Variants in KCNH5 observed in about 807,000 individuals in gnomAD.
The protein encoded by KCNH5 is potassium voltage-gated channel subfamily H member 5.
A neutral mutation model predicts 96.1 loss-of-function variants in KCNH5; 46 were observed. The observed-to-expected ratio is 0.48, with a 90% CI of 0.38 to 0.61. The LOEUF (loss-of-function observed/expected upper bound fraction) is 0.61, where lower values mean the gene tolerates loss of function less well. KCNH5 is among the 20% of genes least tolerant of loss of function. KCNH5 has a pLI of 0.00. For synonymous variants in KCNH5, 439 were observed against 449.8 expected (o/e 0.98, Z 0.30); for missense variants, 907 against 1,225.8 (o/e 0.74, Z 3.88).
chr14:62,712,669 C>T (rs1355621038), intron 10 of KCNH5: 1 of 778,072 alleles, frequency 1.3e-6, no homozygotes, highest in African/African-American at 1.7e-5. Context: ...AGCAGTTTCA[C>T]ACCCAGCAGG....
intron 1 of KCNH5, among the ~76,000 whole-genome samples, chr14:63,029,664 GAGA>G (rs748934581): frequency 1.4e-4 from 21 of 151,842 alleles, no homozygotes; most frequent in Non-Finnish European, 2.2e-4. Context: ...TGAGAAAAAT[GAGA>G]AGAAGAGAGG....
At chr14:62,712,521 C>G in intron 10 of KCNH5, 1 of 649,292 alleles carries the variant, frequency 1.5e-6, no homozygotes, top group Non-Finnish European at 2.8e-6. Context: ...AACTGTGTGT[C>G]CAGGATGCAA....
intron 8 of KCNH5, among the ~76,000 whole-genome samples, chr14:62,846,842 C>G (rs1342942367): frequency 7.6e-6 from 1 of 131,688 alleles, no homozygotes; most frequent in Non-Finnish European, 1.5e-5. Flanking sequence ...GCTCTGCGGC[C>G]CAGGCTGGAG....
At chr14:62,720,932 A>G (rs1272070654) in intron 10 of KCNH5, among the ~76,000 whole-genome samples, 1 of 152,226 alleles carries the variant, frequency 6.6e-6, no homozygotes, top group East Asian at 1.9e-4. Context: ...GCAAAAGTGA[A>G]GAAGCGATAG....
chr14:62,837,346 A>C lies in KCNH5; in HGVS notation c.1569+12307T>G, dbSNP rs138652585. On this transcript the variant is annotated intron_variant, in intron 8 of 10. Transcript: ENST00000322893. The stretch of plus-strand genomic sequence containing the variant: ...GAATGTAAGCAGGGGCTTAATGGAC[A>C]TTTACTATTAAATACTGAAATGGGG... Among the ~76,000 whole-genome samples, 4 of 152,320 alleles carry C rather than the reference A, an allele frequency of 2.6e-5. No individual in the cohort carries two copies. In the East Asian group the frequency reaches 7.7e-4, roughly 29 times the overall value.
rs571079023 is a variant in KCNH5 at position 63,004,304 on chromosome 14, T to C, written c.304+2062A>G. Among the ~76,000 whole-genome samples, 11 of 152,232 alleles carry C rather than the reference T, an allele frequency of 7.2e-5. No individual in the cohort carries two copies. The South Asian group carries it at 1.0e-3, about 14-fold the overall frequency. ...CATTATAATACATGGATAACACCTA[T>C]CCTTCACTAAAGAGGAAAACAAAAG... On this transcript the variant is annotated intron_variant, in intron 3 of 10. Transcript: ENST00000322893.
chr14:62,902,579 A>T (rs919150711), intron 7 of KCNH5, among the ~76,000 whole-genome samples: 3 of 152,166 alleles, frequency 2.0e-5, no homozygotes, highest in Non-Finnish European at 4.4e-5. Flanking sequence ...TATATTTTGT[A>T]AGAGCCCAAT....
intron 7 of KCNH5, among the ~76,000 whole-genome samples, chr14:62,859,689 A>G (rs781507623): frequency 1.3e-5 from 2 of 152,346 alleles, no homozygotes; most frequent in South Asian, 4.1e-4. Flanking sequence ...TGCAAAGTGC[A>G]TAACCAGGTG....
At chr14:62,808,477 T>C (rs1400125595) in intron 8 of KCNH5, among the ~76,000 whole-genome samples, 1 of 152,166 alleles carries the variant, frequency 6.6e-6, no homozygotes, top group Non-Finnish European at 1.5e-5. Flanking sequence ...TATAAGAATC[T>C]AACCTTATGG....
chr14:63,006,454 C>A lies in KCNH5; in HGVS notation c.216G>T (p.Leu72Phe). 6.2e-7 allele frequency: 1 copy of A among 1,609,242 alleles called. No individual in the cohort carries two copies. Among genetic ancestry groups the A allele is most frequent in the South Asian group, 1.1e-5 (1 of 90,802 alleles). ...SSTCSFMYGE[L>F]TDKKTIEKVR... ...CTTTCTCAATGGTCTTCTTGTCAGTCAATTCCCCATACATAAAACTGGGGG... is the reference window on the plus strand; with the variant it reads ...CTTTCTCAATGGTCTTCTTGTCAGTAAATTCCCCATACATAAAACTGGGGG... Residue 72 changes from leucine (L) to phenylalanine (F), a missense_variant, in exon 3 of 11, where the codon TTG becomes TTT. Leu to Phe is a conservative substitution (Grantham distance 22, BLOSUM62 0). Around this residue, in one of 6 missense-constraint regions of KCNH5, gnomAD observed 370 missense variants for 561.3 expected, o/e 0.66. Transcript: ENST00000322893.
intron 7 of KCNH5, among the ~76,000 whole-genome samples, chr14:62,931,433 C>T (rs1399715158): frequency 6.6e-6 from 1 of 152,082 alleles, no homozygotes; most frequent in African/African-American, 2.4e-5. Context: ...CATGTATATA[C>T]CTCTGTTTCC....
chr14:62,907,645 G>C (rs1476787266), intron 7 of KCNH5, among the ~76,000 whole-genome samples: 1 of 152,186 alleles, frequency 6.6e-6, no homozygotes. Flanking sequence ...TAGACAAGGA[G>C]TCTGAGTAAC....
intron 3 of KCNH5, among the ~76,000 whole-genome samples, chr14:63,003,270 T>C (rs1486006352): frequency 6.6e-6 from 1 of 150,396 alleles, no homozygotes; most frequent in Admixed American, 6.7e-5. Context: ...CTGCCAAGTA[T>C]GTGGTGATAG....
At chr14:62,888,359 T>C (rs34759838) in intron 7 of KCNH5, among the ~76,000 whole-genome samples, 380 of 152,304 alleles carry the variant, frequency 2.5e-3, no homozygotes, top group Non-Finnish European at 3.9e-3. Context: ...ATATTCTCTT[T>C]TGTACTGTAA....
At chr14:62,776,618 A>C (rs545498314) in intron 10 of KCNH5, among the ~76,000 whole-genome samples, 2 of 152,210 alleles carry the variant, frequency 1.3e-5, no homozygotes, top group Non-Finnish European at 2.9e-5. Context: ...TGGCCCACAA[A>C]TCCAAAATTG....
chr14:63,016,020 T>C (rs1417195366), intron 2 of KCNH5, among the ~76,000 whole-genome samples: 6 of 151,326 alleles, frequency 4.0e-5, no homozygotes, highest in Non-Finnish European at 1.5e-5. Flanking sequence ...AACATAGCTC[T>C]ACCTCAGTTT....
intron 8 of KCNH5, among the ~76,000 whole-genome samples, chr14:62,817,525 G>A (rs776088198): frequency 2.7e-5 from 4 of 149,340 alleles, no homozygotes; most frequent in Non-Finnish European, 4.4e-5. Flanking sequence ...AGTGAAGAGA[G>A]CTTATGGAAA....
chr14:62,793,823 A>C, intron 9 of KCNH5, among the ~76,000 whole-genome samples: 1 of 151,926 alleles, frequency 6.6e-6, no homozygotes, highest in East Asian at 1.9e-4. Context: ...AAAAAATTAC[A>C]AAATAGAAGA....
chr14:62,852,681 T>C (rs1887830940), intron 7 of KCNH5, among the ~76,000 whole-genome samples: 1 of 152,164 alleles, frequency 6.6e-6, no homozygotes, highest in Non-Finnish European at 1.5e-5. Context: ...CATATATAGA[T>C]TCATGTCATT....
Sources: gnomAD v4.1 joint callset for allele counts (sites outside exome capture counted in the v4.1 genomes callset) on GRCh38, gnomAD v4.1.1 for gene constraint, gnomAD v4.1.1 regional missense constraint, MANE v1.5 for transcripts, NCBI Gene and HGNC (gene_info 2026-07-23, HGNC 2026-07-21) for gene names.